Variants in MTMR1 observed in about 807,000 individuals in gnomAD.
The protein encoded by MTMR1 is phosphatidylinositol-3-phosphate phosphatase MTMR1.
MTMR1 carries 17 observed loss-of-function variants against 51.6 expected under a neutral mutation model. That is an observed-to-expected ratio of 0.33 (90% CI 0.23 to 0.49). The LOEUF is 0.49. MTMR1 is among the 20% of genes least tolerant of loss of function. The pLI is 0.99. For missense variants in MTMR1, 386 were observed against 526.9 expected, an observed-to-expected ratio of 0.73 and a Z score of 2.62; for synonymous variants, 201 against 205.6, an observed-to-expected ratio of 0.98 and a Z score of 0.19.
At chrX:150,731,331 A>C (rs886272735) in intron 8 of MTMR1, 139 bp from the exon 9 acceptor site, 1 of 476,818 alleles carries the variant, frequency 2.1e-6, no homozygotes, top group Admixed American at 4.3e-5. Flanking sequence ...ATATATATTG[A>C]CTTTTAAGTT....
chrX:150,693,989 T>G (rs1435430892), intron 1 of MTMR1, among the ~76,000 whole-genome samples: 4 of 111,958 alleles, frequency 3.6e-5, no homozygotes, highest in African/African-American at 1.3e-4. Context: ...CCTGCTGCCC[T>G]TGGCGATCGC....
intron 15 of MTMR1, among the ~76,000 whole-genome samples, chrX:150,758,818 T>C (rs1418615290): frequency 9.0e-6 from 1 of 110,865 alleles, no homozygotes; most frequent in East Asian, 2.8e-4. Context: ...AAAAATTACA[T>C]TTATCTCTCC....
intron 9 of MTMR1, 133 bp from the exon 10 acceptor site, chrX:150,732,409 C>T: frequency 3.7e-6 from 2 of 535,100 alleles, no homozygotes; most frequent in Non-Finnish European, 5.8e-6. Context: ...TGTGATTGGC[C>T]TGCCCACTCT....
intron 12 of MTMR1, among the ~76,000 whole-genome samples, chrX:150,742,837 A>G (rs1451867193): frequency 9.4e-6 from 1 of 106,762 alleles, no homozygotes; most frequent in Non-Finnish European, 1.9e-5. Flanking sequence ...AAAAAAAAAA[A>G]GAAAGAAAGA....
At chrX:150,736,482 G>T (rs1158763715) in intron 10 of MTMR1, 113 bp from the exon 11 acceptor site, 11 of 673,866 alleles carry the variant, frequency 1.6e-5, no homozygotes, top group Non-Finnish European at 2.2e-5. Flanking sequence ...GGATATAGGA[G>T]GTTTATTTGC....
In MTMR1 at chrX:150,737,251, G is replaced by A. The variant is rs782166693; in HGVS notation, c.1276G>A (p.Ala426Thr). 5 of 1,208,607 alleles carry A rather than the reference G, an allele frequency of 4.1e-6. No individual in the cohort carries two copies. The African/African-American group carries it at 8.8e-5, about 21-fold the overall frequency. The change falls in exon 12 of 16, where the codon GCT becomes ACT. Residue 426 changes from alanine (A) to threonine (T), a missense_variant. Transcript: ENST00000445323. ...CCTTTTTTTTCTGAAGATGCTGCTT[G>A]CTGGGGCAGTAAGAATTGCTGATAA... ...HWLEYIRMLL[A>T]GAVRIADKIE...
At position 150,763,517 on chromosome X, in the gene MTMR1, T is replaced by G. The variant is rs1307773784; in HGVS notation, c.*788T>G. 8.9e-6 allele frequency: 1 copy of G among 112,965 alleles called. No homozygotes were observed. The highest frequency in any genetic ancestry group is 1.9e-5 in the Non-Finnish European group (1 of 53,353). 9.3% of individuals were successfully genotyped at this position (112,965 alleles called of 1,213,427 possible). The stretch of plus-strand genomic sequence containing the variant: ...AGGGTAAACCGAGGCCTCTGGCAGC[T>G]GTGCACAGGTGCTGGCCTCTGGCTC... On this transcript the variant is annotated 3_prime_UTR_variant, in exon 16 of 16. Transcript: ENST00000445323.
chrX:150,696,382 C>A (rs1603225569), intron 1 of MTMR1, among the ~76,000 whole-genome samples: 1 of 111,101 alleles, frequency 9.0e-6, no homozygotes, highest in African/African-American at 3.3e-5. Context: ...GACTATGGGG[C>A]CTTCACTTCT....
intron 14 of MTMR1, among the ~76,000 whole-genome samples, chrX:150,754,329 C>T (rs2042840055): frequency 8.9e-6 from 1 of 112,729 alleles, no homozygotes. Context: ...GTTGGTGTTT[C>T]TCTTATAAAT....
chrX:150,762,356 G>C (rs1379999087), intron 15 of MTMR1, among the ~76,000 whole-genome samples: 8 of 111,917 alleles, frequency 7.1e-5, no homozygotes, highest in African/African-American at 2.6e-4. Flanking sequence ...TCGGCCCCCG[G>C]AGCTGCAGGG....
At chrX:150,762,206 A>AGTCT (rs2043158326) in intron 15 of MTMR1, among the ~76,000 whole-genome samples, 1 of 113,130 alleles carries the variant, frequency 8.8e-6, no homozygotes, top group African/African-American at 3.2e-5. Flanking sequence ...TCTGACGCAC[A>AGTCT]GTCTTTAGGA....
intron 1 of MTMR1, among the ~76,000 whole-genome samples, chrX:150,694,400 C>T (rs2040597410): frequency 8.9e-6 from 1 of 111,742 alleles, no homozygotes; most frequent in African/African-American, 3.3e-5. Context: ...GGGGCCACCG[C>T]CTCCTCCGAC....
At chrX:150,751,125 G>A (rs374831080) in intron 14 of MTMR1, 586 of 1,011,818 alleles carry the variant, frequency 5.8e-4, no homozygotes, top group Non-Finnish European at 7.3e-4. Flanking sequence ...TGTAGTCTCC[G>A]CTGCACCAAC....
chrX:150,747,085 C>A (rs1234094970), intron 13 of MTMR1, among the ~76,000 whole-genome samples: 10 of 111,126 alleles, frequency 9.0e-5, no homozygotes, highest in African/African-American at 3.3e-4. Context: ...TCAATAATAT[C>A]CATAGTTTAA....
intron 14 of MTMR1, among the ~76,000 whole-genome samples, chrX:150,752,141 C>T (rs2042761980): frequency 9.1e-6 from 1 of 110,374 alleles, no homozygotes; most frequent in Non-Finnish European, 1.9e-5. Context: ...TGGTCTCAAA[C>T]TCCTGACCTC....
At chrX:150,699,505 T>A (rs1012029761) in intron 2 of MTMR1, among the ~76,000 whole-genome samples, 1 of 112,421 alleles carries the variant, frequency 8.9e-6, no homozygotes. Flanking sequence ...AGTTTTGTAA[T>A]TGAAAGGAGA....
intron 1 of MTMR1, among the ~76,000 whole-genome samples, chrX:150,698,070 C>G (rs994141803): frequency 1.8e-5 from 2 of 111,697 alleles, no homozygotes; most frequent in Non-Finnish European, 3.8e-5. Context: ...GCGGGTGGAT[C>G]ACCTGAGGTC....
intron 15 of MTMR1, among the ~76,000 whole-genome samples, chrX:150,759,934 C>T (rs940949660): frequency 3.7e-5 from 4 of 109,295 alleles, no homozygotes; most frequent in Admixed American, 9.7e-5. Context: ...AGGATGCCCC[C>T]GACAGGGCCA....
chrX:150,704,026 G>A (rs2041010054), intron 2 of MTMR1, among the ~76,000 whole-genome samples: 1 of 111,794 alleles, frequency 8.9e-6, no homozygotes, highest in Admixed American at 9.5e-5. Flanking sequence ...TGGAGCAAAT[G>A]TATTTTCTCT....
Sources: gnomAD v4.1 joint callset for allele counts (sites outside exome capture counted in the v4.1 genomes callset) on GRCh38, gnomAD v4.1.1 for gene constraint, MANE v1.5 for transcripts, NCBI Gene and HGNC (gene_info 2026-07-23, HGNC 2026-07-21) for gene names.